CD300LF: variants seen among roughly 807,000 people sequenced by gnomAD.
CD300LF encodes CMRF35-like molecule 1.
A neutral mutation model predicts 32.2 loss-of-function variants in CD300LF; 27 were observed. That is an observed-to-expected ratio of 0.84 (90% CI 0.62 to 1.15). The LOEUF (loss-of-function observed/expected upper bound fraction) is 1.15. Ranked by LOEUF, CD300LF falls within the 50% of genes most tolerant of loss-of-function variation. CD300LF has a pLI of 0.00. For missense variants in CD300LF, 348 were observed against 356.8 expected, an observed-to-expected ratio of 0.98 and a Z score of 0.20; for synonymous variants, 139 against 143.2, an observed-to-expected ratio of 0.97 and a Z score of 0.21.
chr17:74,705,543 G>T (rs957737190), intron 1 of CD300LF, among the ~76,000 whole-genome samples: 3 of 151,906 alleles, frequency 2.0e-5, no homozygotes, highest in African/African-American at 4.8e-5. Flanking sequence ...AGAAAAGCAG[G>T]TATTATAGAC....
In CD300LF at chr17:74,710,764, G is replaced by A. The variant is rs192120177; in HGVS notation, c.43+2060C>T. 4.6e-5 allele frequency among the ~76,000 whole-genome samples: 7 copies of A among 152,182 alleles called. No homozygotes were observed. In the East Asian group the frequency reaches 1.4e-3, roughly 29 times the overall value. Reference sequence around the variant, plus strand: ...CACCTGTAATCCCAGCTACTTGGGAGGCTGAGGCAGAAGAATCACTTGAAT... The same window carrying A: ...CACCTGTAATCCCAGCTACTTGGGAAGCTGAGGCAGAAGAATCACTTGAAT... On this transcript the variant is annotated intron_variant, in intron 1 of 6. Coordinates refer to ENST00000326165, the MANE Select transcript of CD300LF (RefSeq NM_139018.5).
At position 74,703,081 on chromosome 17, in the gene CD300LF, C is replaced by A; in HGVS notation, c.400G>T (p.Glu134Ter). The part of the protein sequence containing the change: ...TIDPAPVTQE[E>*]TSSSPTLTGH... ...GTCAGAGTTGGGGAGCTGCTAGTTT[C>A]TTCTTGGGTGACTGGTGCTGTAAAC... Residue 134 changes from glutamate (E) to a stop codon, truncating the protein, a stop_gained, in exon 3 of 7, where the codon GAA (glutamate) becomes TAA (stop). Transcript: ENST00000326165. LOFTEE classifies it high-confidence loss of function. 1 of 1,614,024 alleles carries A rather than the reference C, an allele frequency of 6.2e-7. No homozygotes were observed. The highest frequency in any genetic ancestry group is 8.5e-7 in the Non-Finnish European group (1 of 1,179,936).
chr17:74,702,577 C>T (rs2033151586), intron 3 of CD300LF, among the ~76,000 whole-genome samples: 1 of 152,102 alleles, frequency 6.6e-6, no homozygotes, highest in African/African-American at 2.4e-5. Context: ...GGAAACAGGA[C>T]TTCCCCAAGC....
intron 1 of CD300LF, 105 bp downstream of exon 1, chr17:74,712,719 T>C: frequency 8.6e-7 from 1 of 1,165,980 alleles, no homozygotes; most frequent in Non-Finnish European, 1.3e-6. Flanking sequence ...CGCACAAGGC[T>C]CATGCCATTA....
chr17:74,699,581 A>C (rs1169519564), intron 3 of CD300LF, among the ~76,000 whole-genome samples: 1 of 152,050 alleles, frequency 6.6e-6, no homozygotes, highest in Non-Finnish European at 1.5e-5. Context: ...GACCGGGAAC[A>C]CAAAGGATCG....
At chr17:74,703,144 C>T in intron 2 of CD300LF, 46 bp from the exon 3 acceptor site, 1 of 1,612,374 alleles carries the variant, frequency 6.2e-7, no homozygotes, top group Non-Finnish European at 8.5e-7. Context: ...GGAGTCGACG[C>T]TGTAGTTGAT....
intron 1 of CD300LF, among the ~76,000 whole-genome samples, chr17:74,706,724 G>A (rs954759458): frequency 4.6e-5 from 7 of 152,126 alleles, no homozygotes; most frequent in South Asian, 2.1e-4. Context: ...AACCAACGGC[G>A]CGGACAGAGG....
chr17:74,699,197 G>A (rs567065736), intron 3 of CD300LF, among the ~76,000 whole-genome samples: 11 of 152,296 alleles, frequency 7.2e-5, no homozygotes, highest in South Asian at 2.1e-4. Context: ...GATTACAGGC[G>A]TGAGCCACAG....
chr17:74,704,807 A>G lies in CD300LF; in HGVS notation c.53T>C (p.Ile18Thr), dbSNP rs756663721. ...LLLFWLSGYS[I>T]VTQITGPTTV... ...TGTTGGACCGGTGATTTGAGTGACAATGGAGTAGCCTGGAAAACACAAATT... is the reference window on the plus strand; with the variant it reads ...TGTTGGACCGGTGATTTGAGTGACAGTGGAGTAGCCTGGAAAACACAAATT... Residue 18 changes from isoleucine (I) to threonine (T), a missense_variant, in exon 2 of 7, where the codon ATT becomes ACT. By Grantham distance (89) the Ile-to-Thr change is moderately conservative. Transcript: ENST00000326165. 1.9e-5 allele frequency: 31 copies of G among 1,611,712 alleles called. No homozygotes were observed. Among genetic ancestry groups the G allele is most frequent in the East Asian group, 6.7e-5 (3 of 44,838 alleles).
intron 1 of CD300LF, chr17:74,705,191 C>T (rs989745278): frequency 7.2e-6 from 5 of 698,328 alleles, no homozygotes; most frequent in Admixed American, 4.0e-5. Flanking sequence ...GACCCCTTTC[C>T]ACAGGGTCTT....
chr17:74,696,300 GGAA>G, intron 4 of CD300LF, 83 bp from the exon 5 acceptor site: 1 of 1,444,994 alleles, frequency 6.9e-7, no homozygotes, highest in Non-Finnish European at 9.3e-7. Context: ...AGAGAAATAT[GGAA>G]GAAAAGAGGT....
chr17:74,704,706 A>T lies in CD300LF; in HGVS notation c.154T>A (p.Trp52Arg). Residue 52 changes from tryptophan to arginine, a missense_variant, in exon 2 of 7, where the codon TGG (tryptophan) becomes AGG (arginine). By Grantham distance (101) the Trp-to-Arg change is moderately radical (BLOSUM62 -3). Transcript: ENST00000326165. ...CGCCAAATAGCTCCTCGACACCACC[A>T]CTTCAAGTAGGTCTCCCAGCCTGAT... Reference protein sequence around the residue: ...YRSGWETYLKWWCRGAIWRDC... With the variant: ...YRSGWETYLKRWCRGAIWRDC... The T allele has an allele frequency of 6.2e-7, 1 of 1,614,108 alleles. No homozygotes were observed.
At chr17:74,709,220 C>CA (rs1054719174) in intron 1 of CD300LF, among the ~76,000 whole-genome samples, 82 of 128,456 alleles carry the variant, frequency 6.4e-4, no homozygotes, top group Middle Eastern at 4.0e-3. Flanking sequence ...AAGACTGACT[C>CA]AAAAAAAAAA....
At chr17:74,708,917 A>C (rs2033749442) in intron 1 of CD300LF, among the ~76,000 whole-genome samples, 1 of 148,126 alleles carries the variant, frequency 6.8e-6, no homozygotes, top group African/African-American at 2.5e-5. Context: ...CTCCGTCTCA[A>C]AAAAAAAAAG....
intron 1 of CD300LF, chr17:74,705,199 C>G (rs917537476): frequency 2.8e-6 from 2 of 701,870 alleles, no homozygotes; most frequent in Admixed American, 4.0e-5. Context: ...TCCACAGGGT[C>G]TTACCTTGAC....
At chr17:74,704,019 T>C (rs1223602681) in intron 2 of CD300LF, among the ~76,000 whole-genome samples, 1 of 152,232 alleles carries the variant, frequency 6.6e-6, no homozygotes, top group Non-Finnish European at 1.5e-5. Flanking sequence ...CCGACTATGC[T>C]GAGCCTCTTT....
intron 1 of CD300LF, among the ~76,000 whole-genome samples, chr17:74,706,024 A>G (rs982638096): frequency 1.3e-5 from 2 of 152,216 alleles, no homozygotes; most frequent in African/African-American, 2.4e-5. Context: ...GTTCTCACTT[A>G]TAAGTGGGAG....
chr17:74,696,165 T>A (rs2032451744), intron 5 of CD300LF, 30 bp downstream of exon 5: 20 of 1,588,704 alleles, frequency 1.3e-5, no homozygotes, highest in Non-Finnish European at 1.7e-5. Flanking sequence ...CTGCCTGGTC[T>A]CTCTGGTCCG....
chr17:74,707,163 A>G (rs2033587507), intron 1 of CD300LF, among the ~76,000 whole-genome samples: 1 of 152,246 alleles, frequency 6.6e-6, no homozygotes, highest in Non-Finnish European at 1.5e-5. Flanking sequence ...GAGCTTCTGC[A>G]CAGCAAAGGA....
Sources: gnomAD v4.1 joint callset for allele counts (sites outside exome capture counted in the v4.1 genomes callset) on GRCh38, gnomAD v4.1.1 for gene constraint, MANE v1.5 for transcripts, NCBI Gene and HGNC (gene_info 2026-07-23, HGNC 2026-07-21) for gene names.